Variants in MYO19 observed in about 807,000 individuals in gnomAD.
MYO19 encodes the protein unconventional myosin-XIX.
MYO19 carries 132 observed loss-of-function variants against 129.2 expected under a neutral mutation model. That is an observed-to-expected ratio of 1.02 (90% CI 0.89 to 1.18). The LOEUF (loss-of-function observed/expected upper bound fraction) is 1.18, where lower values mean the gene tolerates loss of function less well. Among genes scored for constraint, MYO19 ranks in the 50% most tolerant of loss-of-function variants. MYO19 has a pLI of 0.00. For missense variants in MYO19, 1,210 were observed against 1,216.7 expected (o/e 0.99, Z 0.08); for synonymous variants, 531 against 477.2 (o/e 1.11, Z -1.47).
intron 2 of MYO19, 132 bp from the exon 3 acceptor site, chr17:36,532,813 G>C (rs1023566263): frequency 1.8e-6 from 1 of 551,616 alleles, no homozygotes; most frequent in Non-Finnish European, 3.2e-6. Flanking sequence ...GAGTGGGCCT[G>C]TCCTTTCCCT....
At chr17:36,537,132 G>A, upstream of MYO19, 2 of 1,601,730 alleles carry the variant, frequency 1.2e-6, no homozygotes, top group East Asian at 2.2e-5. Flanking sequence ...GGAAGCTTTT[G>A]TCAGTAACCT....
At chr17:36,508,662 C>G (rs1363187544) in intron 14 of MYO19, 3 of 194,738 alleles carry the variant, frequency 1.5e-5, no homozygotes, top group Admixed American at 5.5e-5. Flanking sequence ...AACTCCTGGC[C>G]TCCAGTGATC....
At position 36,527,607 on chromosome 17, in the gene MYO19, G is replaced by GC. The variant is rs2073556875; in HGVS notation, c.243_244insG (p.Pro82AlafsTer30). On this transcript the variant is annotated frameshift_variant, in exon 5 of 26. Transcript: ENST00000614623. LOFTEE classifies it high-confidence loss of function. The stretch of plus-strand genomic sequence containing the variant: ...ATTAGCTCGGGCGAGTAGAGCTGAG[G>GC]AACAGGCTTGAAGGGGTTCAAGGCT... 1 of 1,613,892 alleles carries GC rather than the reference G, an allele frequency of 6.2e-7. No individual in the cohort carries two copies. The highest frequency in any genetic ancestry group is 1.3e-5 in the African/African-American group (1 of 74,930).
intron 20 of MYO19, 123 bp downstream of exon 20, chr17:36,503,827 C>A: frequency 1.3e-6 from 1 of 786,182 alleles, no homozygotes; most frequent in Admixed American, 3.6e-5. Context: ...CTGACTTCTA[C>A]AGACCAGCCT....
chr17:36,536,005 CACTT>C (rs1730615101), upstream of MYO19, among the ~76,000 whole-genome samples: 1 of 152,178 alleles, frequency 6.6e-6, no homozygotes, highest in Non-Finnish European at 1.5e-5. Context: ...CGCATGCATT[CACTT>C]ACTTATTCAG....
chr17:36,508,648 C>T (rs1262876128), intron 14 of MYO19: 1 of 189,742 alleles, frequency 5.3e-6, no homozygotes, highest in Non-Finnish European at 1.1e-5. Context: ...CCAGGCTGGT[C>T]TCCAACTCCT....
intron 17 of MYO19, 84 bp downstream of exon 17, chr17:36,506,879 A>G: frequency 7.1e-7 from 1 of 1,413,146 alleles, no homozygotes; most frequent in Non-Finnish European, 9.4e-7. Flanking sequence ...GAAAGGACTC[A>G]CGATGGGAAA....
In MYO19 at chr17:36,532,654, A is replaced by G; in HGVS notation, c.-116T>C. On this transcript the variant is annotated 5_prime_UTR_variant, in exon 3 of 26. Coordinates refer to ENST00000614623, the MANE Select transcript of MYO19 (RefSeq NM_001163735.2). ...GTTCCAACAAAGGGCTCAGTTCTGG[A>G]GGAATCTCAGACAAGTCACTCCAGC... The G allele has an allele frequency of 7.9e-7, 1 of 1,265,718 alleles. No individual in the cohort carries two copies. The highest frequency in any genetic ancestry group is 1.1e-6 in the Non-Finnish European group (1 of 889,160). The allele number at this position is 1,265,718 out of a possible 1,614,324, so 78.4% of individuals were successfully genotyped here.
At position 36,503,119 on chromosome 17, in the gene MYO19, T is replaced by TG. The variant is rs1178606289; in HGVS notation, c.2057dup (p.Tyr687IlefsTer8). 6.2e-7 allele frequency: 1 copy of TG among 1,614,010 alleles called. No individual in the cohort carries two copies. The highest frequency in any genetic ancestry group is 8.5e-7 in the Non-Finnish European group (1 of 1,179,858). ...CACCAGGGAGCCCTTTGGCAGGATA[T>TG]GGGCTGTCGGGGCCAGAGGATGTGC... On this transcript the variant is annotated frameshift_variant, in exon 21 of 26. Coordinates refer to ENST00000614623, the MANE Select transcript of MYO19 (RefSeq NM_001163735.2). LOFTEE classifies it high-confidence loss of function.
rs780702592 is a variant in MYO19, at chr17:36,506,439, C to G, written c.1797+17G>C. The G allele has an allele frequency of 1.2e-6, 2 of 1,613,858 alleles. No individual in the cohort carries two copies. The highest frequency in any genetic ancestry group is 1.7e-6 in the Non-Finnish European group (2 of 1,179,830). Reference sequence around the variant, plus strand: ...GGAGTTTGAACCAAGCACCTCCCATCAGCACATCAGACCCACCTTGAACTT... The same window carrying G: ...GGAGTTTGAACCAAGCACCTCCCATGAGCACATCAGACCCACCTTGAACTT... On this transcript the variant is annotated intron_variant, in intron 18 of 25. Coordinates refer to ENST00000614623, the MANE Select transcript of MYO19 (RefSeq NM_001163735.2).
In MYO19 at chr17:36,498,576, C is replaced by T; in HGVS notation, c.2464-17G>A. The T allele has an allele frequency of 6.3e-7, 1 of 1,593,692 alleles. No individual in the cohort carries two copies. Among genetic ancestry groups the T allele is most frequent in the South Asian group, 1.1e-5 (1 of 89,820 alleles). Reference sequence around the variant, plus strand: ...CATTCTGATCTTAAAAAGCAAATATCCCTTTATAGCTTTAGATTTATCTAG... The same window carrying T: ...CATTCTGATCTTAAAAAGCAAATATTCCTTTATAGCTTTAGATTTATCTAG... On this transcript the variant is annotated splice_polypyrimidine_tract_variant and intron_variant, in intron 24 of 25. Coordinates refer to ENST00000614623, the MANE Select transcript of MYO19 (RefSeq NM_001163735.2).
At chr17:36,499,679 T>C (rs1172572932) in intron 23 of MYO19, 3 of 130,328 alleles carry the variant, frequency 2.3e-5, no homozygotes, top group African/African-American at 8.8e-5. Flanking sequence ...TTTTTTTTTT[T>C]TTTTTTTTTT....
intron 6 of MYO19, among the ~76,000 whole-genome samples, chr17:36,518,088 CAAA>C (rs3050531): frequency 2.8e-5 from 3 of 108,582 alleles, no homozygotes; most frequent in African/African-American, 3.5e-5. Context: ...GAAACTATCT[CAAA>C]AAAAAAAAAA....
At chr17:36,537,840 T>C (rs2142617904), upstream of MYO19, 3 of 1,614,164 alleles carry the variant, frequency 1.9e-6, no homozygotes, top group East Asian at 2.2e-5. Context: ...AGTTGTGAAA[T>C]TGATAACACC....
Position 36,528,072 on chromosome 17 carries a change from A to T in MYO19, c.143T>A (p.Leu48Gln), listed in dbSNP as rs774651804. 2 of 1,613,136 alleles carry T rather than the reference A, an allele frequency of 1.2e-6. No individual in the cohort carries two copies. The highest frequency in any genetic ancestry group is 4.5e-5 in the East Asian group (2 of 44,858). Residue 48 changes from leucine (L) to glutamine (Q), a missense_variant, in exon 4 of 26, where the codon CTA becomes CAA. Transcript: ENST00000614623. ...DDLTRVNPVT[L>Q]ETVLRCLQAR... is the part of the protein sequence containing the mutation. ...GAATGGGAGGCCCATACCTGTCTCT[A>T]GTGTCACAGGATTCACCCTGGTGAG...
chr17:36,531,997 G>A (rs2073862709), intron 3 of MYO19, among the ~76,000 whole-genome samples: 1 of 152,178 alleles, frequency 6.6e-6, no homozygotes, highest in Non-Finnish European at 1.5e-5. Flanking sequence ...CTACAGGCCT[G>A]GGGCAACAGT....
intron 2 of MYO19, among the ~76,000 whole-genome samples, chr17:36,540,435 G>C (rs898243154): frequency 2.0e-5 from 3 of 150,250 alleles, no homozygotes; most frequent in African/African-American, 7.4e-5. Flanking sequence ...CAGTGGCACA[G>C]TCTTGGTTCA....
intron 23 of MYO19, 104 bp downstream of exon 23, chr17:36,500,725 TG>T: frequency 1.4e-6 from 2 of 1,445,706 alleles, no homozygotes; most frequent in Non-Finnish European, 1.8e-6. Context: ...CTCTTCAGGC[TG>T]GGACACAGCT....
intron 21 of MYO19, among the ~76,000 whole-genome samples, chr17:36,502,193 CTG>C (rs1204889480): frequency 6.6e-6 from 1 of 152,300 alleles, no homozygotes; most frequent in East Asian, 1.9e-4. Context: ...CTCCCTCTGC[CTG>C]TGTCTGGGCC....
Sources: allele counts gnomAD v4.1 joint callset (sites outside exome capture counted in the v4.1 genomes callset), GRCh38; gene constraint gnomAD v4.1.1; transcripts MANE v1.5; gene names NCBI Gene and HGNC (gene_info 2026-07-23, HGNC 2026-07-21).